Variants in DAB2IP observed in about 807,000 individuals in gnomAD.
DAB2IP encodes the protein disabled homolog 2-interacting protein.
Under a neutral mutation model 107.2 loss-of-function variants are expected in DAB2IP, and 28 were observed. That is an observed-to-expected ratio of 0.26 (90% CI 0.19 to 0.36). DAB2IP has a LOEUF of 0.36. Ranked by LOEUF, DAB2IP falls within the 10% of genes least tolerant of loss-of-function variation. The probability of loss-of-function intolerance (pLI) is 1.00; values close to 1 mark genes in which losing one functional copy is unlikely to be tolerated. For missense variants in DAB2IP, 1,400 were observed against 1,644.7 expected (o/e 0.85, Z 2.57); for synonymous variants, 755 against 706.4 (o/e 1.07, Z -1.09).
intron 3 of DAB2IP, among the ~76,000 whole-genome samples, chr9:121,722,391 T>G (rs764014176): frequency 6.6e-6 from 1 of 152,314 alleles, no homozygotes; most frequent in Non-Finnish European, 1.5e-5. Context: ...GGTGTCTTCC[T>G]GTTCGGGGCC....
Position 121,683,792 on chromosome 9 carries a change from A to G in DAB2IP, c.228+5011A>G, listed in dbSNP as rs192042118. Reference sequence around the variant, plus strand: ...ACAGGGAAGAATTCTTAAAGAAGGGACTCTTGGGGCTGGGCTTTGAGGAGT... The same window carrying G: ...ACAGGGAAGAATTCTTAAAGAAGGGGCTCTTGGGGCTGGGCTTTGAGGAGT... On this transcript the variant is annotated intron_variant, in intron 2 of 15. Transcript: ENST00000408936. 4.6e-5 allele frequency among the ~76,000 whole-genome samples: 7 copies of G among 152,118 alleles called. No homozygotes were observed. The East Asian group carries it at 1.4e-3, about 29-fold the overall frequency.
At chr9:121,706,571 T>G (rs73664512) in intron 3 of DAB2IP, among the ~76,000 whole-genome samples, 19 of 152,268 alleles carry the variant, frequency 1.2e-4, no homozygotes, top group African/African-American at 4.1e-4. Context: ...GGGCAAGCCG[T>G]GGTTCCTCTC....
intron 1 of DAB2IP, among the ~76,000 whole-genome samples, chr9:121,570,488 G>C (rs1186697759): frequency 6.6e-6 from 1 of 151,972 alleles, no homozygotes; most frequent in African/African-American, 2.4e-5. Flanking sequence ...TCCAGACAGA[G>C]CCACGCTGGG....
chr9:121,631,359 G>GT (rs1286129855), intron 1 of DAB2IP, among the ~76,000 whole-genome samples: 1 of 152,070 alleles, frequency 6.6e-6, no homozygotes, highest in African/African-American at 2.4e-5. Flanking sequence ...AAATTTTGAC[G>GT]TAAGAGACAG....
intron 1 of DAB2IP, among the ~76,000 whole-genome samples, chr9:121,582,094 G>C (rs1179420964): frequency 2.0e-5 from 3 of 152,232 alleles, no homozygotes; most frequent in African/African-American, 7.2e-5. Flanking sequence ...GGGCTGCAGG[G>C]CTGGGGAAGG....
In DAB2IP at chr9:121,751,937, C is replaced by A. The variant is rs542291886; in HGVS notation, c.363-5076C>A. 4.1e-6 allele frequency: 4 copies of A among 985,480 alleles called. No homozygotes were observed. In the East Asian group the frequency reaches 4.5e-4, roughly 112 times the overall value. The allele number at this position is 985,480 out of a possible 1,614,324, so 61.0% of individuals were successfully genotyped here. ...GTGTGTGACCTGGATGTCATGGTGC[C>A]ACCTCCTTCCTGGGAGCAGTAAGGA... On this transcript the variant is annotated intron_variant, in intron 3 of 15. Transcript: ENST00000408936.
intron 1 of DAB2IP, among the ~76,000 whole-genome samples, chr9:121,632,445 G>A (rs558651216): frequency 4.6e-5 from 7 of 152,096 alleles, no homozygotes; most frequent in Admixed American, 3.3e-4. Context: ...ACCAAAGCCC[G>A]GGTCTCTGCA....
At chr9:121,712,907 C>T (rs527530189) in intron 3 of DAB2IP, among the ~76,000 whole-genome samples, 3 of 152,318 alleles carry the variant, frequency 2.0e-5, no homozygotes, top group South Asian at 4.1e-4. Context: ...CCTGGGAGGG[C>T]GTACAGGATG....
intron 1 of DAB2IP, among the ~76,000 whole-genome samples, chr9:121,677,781 C>T (rs1828339655): frequency 6.6e-6 from 1 of 152,088 alleles, no homozygotes; most frequent in Non-Finnish European, 1.5e-5. Context: ...CCCACCTCAG[C>T]CTCCCGAGTA....
In DAB2IP at chr9:121,651,855, A is replaced by G; in HGVS notation, c.80A>G (p.Gln27Arg). ...CGGCTGCTGAGGCGGCCCCGGCTGCAGCGACAGAGGAGCCGCTCCCGCAGC... is the reference window on the plus strand; with the variant it reads ...CGGCTGCTGAGGCGGCCCCGGCTGCGGCGACAGAGGAGCCGCTCCCGCAGC... Residue 27 changes from glutamine (Q) to arginine (R), a missense_variant, in exon 1 of 16, where the codon CAG becomes CGG. Physicochemically the swap from Gln to Arg is conservative, Grantham distance 43. This residue lies in a region of DAB2IP where 283 missense variants were observed against 237.0 expected (regional missense o/e 1.19). Coordinates refer to ENST00000408936, the Ensembl canonical transcript of DAB2IP. This position sits in a 1 kb window ranked among gnomAD's most constrained non-coding sequence, Gnocchi z 5.1. 8 of 1,462,900 alleles carry G rather than the reference A, an allele frequency of 5.5e-6. No individual in the cohort carries two copies. Among genetic ancestry groups the G allele is most frequent in the East Asian group, 2.8e-5 (1 of 35,382 alleles). The allele number at this position is 1,462,900 out of a possible 1,614,324, so 90.6% of individuals were successfully genotyped here.
At chr9:121,774,900 T>C (rs1333755883) in intron 13 of DAB2IP, among the ~76,000 whole-genome samples, 5 of 152,254 alleles carry the variant, frequency 3.3e-5, no homozygotes, top group African/African-American at 1.2e-4. Flanking sequence ...TTCACCCCTC[T>C]GGTCTCCACC....
intron 1 of DAB2IP, among the ~76,000 whole-genome samples, chr9:121,618,415 C>G (rs2118989945): frequency 6.6e-6 from 1 of 151,694 alleles, no homozygotes; most frequent in South Asian, 2.1e-4. Context: ...GGCTGGAGTG[C>G]AGTGGCACAA....
chr9:121,651,551 C>A (rs116656705), upstream of DAB2IP: 2 of 632,648 alleles, frequency 3.2e-6, no homozygotes, highest in Non-Finnish European at 2.0e-6. This position sits in a 1 kb window ranked among gnomAD's most constrained non-coding sequence, Gnocchi z 5.1. Flanking sequence ...GGTGCCAGCC[C>A]GGCCTCCGGG....
intron 3 of DAB2IP, among the ~76,000 whole-genome samples, chr9:121,716,601 G>T (rs1830616307): frequency 6.6e-6 from 1 of 152,160 alleles, no homozygotes; most frequent in Non-Finnish European, 1.5e-5. Flanking sequence ...AGTATAGAGG[G>T]GATCCATCCC....
intron 8 of DAB2IP, 69 bp from the exon 9 acceptor site, chr9:121,766,425 C>T (rs1460499583): frequency 6.9e-7 from 1 of 1,455,812 alleles, no homozygotes; most frequent in Non-Finnish European, 9.4e-7. Context: ...ATGCAGGTTC[C>T]TGCTCTGTGC....
At chr9:121,593,176 T>C (rs1029598603) in intron 1 of DAB2IP, among the ~76,000 whole-genome samples, 1 of 152,080 alleles carries the variant, frequency 6.6e-6, no homozygotes, top group Admixed American at 6.6e-5. Flanking sequence ...ATCAAACTGC[T>C]GGGCTCAAGA....
chr9:121,612,774 G>A (rs1831140398), intron 1 of DAB2IP, among the ~76,000 whole-genome samples: 1 of 152,166 alleles, frequency 6.6e-6, no homozygotes, highest in Non-Finnish European at 1.5e-5. Flanking sequence ...GTGGGGGGAG[G>A]TAAGAGGTCA....
upstream of DAB2IP, among the ~76,000 whole-genome samples, chr9:121,649,363 GA>G (rs1200279530): frequency 1.4e-5 from 2 of 142,494 alleles, no homozygotes; most frequent in African/African-American, 4.9e-5. Flanking sequence ...TGTGCTTACA[GA>G]TGAGGTCCTG....
intron 3 of DAB2IP, among the ~76,000 whole-genome samples, chr9:121,743,835 G>C (rs761322899): frequency 5.9e-5 from 9 of 152,200 alleles, no homozygotes; most frequent in Non-Finnish European, 1.0e-4. Context: ...GTGAGTGACT[G>C]TCACAGGAGC....
Sources: gnomAD v4.1 joint callset for allele counts (sites outside exome capture counted in the v4.1 genomes callset) on GRCh38, gnomAD v4.1.1 for gene constraint, gnomAD v4.1.1 regional missense constraint, Gnocchi (gnomAD v3.1) non-coding constraint, MANE v1.5 for transcripts, NCBI Gene and HGNC (gene_info 2026-07-23, HGNC 2026-07-21) for gene names.